Variants in NYAP2 observed in about 807,000 individuals in gnomAD.
NYAP2 encodes the protein neuronal tyrosine-phosphorylated phosphoinositide-3-kinase adaptor 2.
A neutral mutation model predicts 50.4 loss-of-function variants in NYAP2; 23 were observed. That is an observed-to-expected ratio of 0.46 (90% confidence interval 0.33 to 0.65). The LOEUF is 0.65. Among genes scored for constraint, NYAP2 ranks in the 30% least tolerant of loss-of-function variants. The probability of loss-of-function intolerance (pLI) is 0.02; values close to 1 mark genes in which losing one functional copy is unlikely to be tolerated. For missense variants in NYAP2, 885 were observed against 861.0 expected, an observed-to-expected ratio of 1.03 and a Z score of -0.35; for synonymous variants, 394 against 365.2, an observed-to-expected ratio of 1.08 and a Z score of -0.90.
intron 3 of NYAP2, among the ~76,000 whole-genome samples, chr2:225,477,344 C>T (rs1690131842): frequency 7.2e-6 from 1 of 138,368 alleles, no homozygotes; most frequent in Admixed American, 8.2e-5. Context: ...TCATGCCATT[C>T]TCCTGCCTCA....
chr2:225,572,477 G>A (rs963053503), intron 4 of NYAP2, among the ~76,000 whole-genome samples: 1 of 152,170 alleles, frequency 6.6e-6, no homozygotes, highest in Non-Finnish European at 1.5e-5. Context: ...CAGTGGAAAT[G>A]TCAGACAATT....
At chr2:225,440,258 A>G (rs979647995) in intron 3 of NYAP2, among the ~76,000 whole-genome samples, 8 of 152,228 alleles carry the variant, frequency 5.3e-5, no homozygotes, top group African/African-American at 1.9e-4. Context: ...CCTTCAGATC[A>G]TAGGATGCGC....
intron 4 of NYAP2, among the ~76,000 whole-genome samples, chr2:225,527,044 C>A (rs1691164536): frequency 6.6e-6 from 1 of 152,150 alleles, no homozygotes; most frequent in Non-Finnish European, 1.5e-5. Context: ...CAAGTCAAGT[C>A]ATCATGCAAT....
intron 6 of NYAP2, among the ~76,000 whole-genome samples, chr2:225,644,509 C>A (rs1464740684): frequency 5.3e-5 from 8 of 151,496 alleles, no homozygotes; most frequent in Admixed American, 1.3e-4. Context: ...GACATGAAGT[C>A]CTTGCCCATG....
intron 3 of NYAP2, among the ~76,000 whole-genome samples, chr2:225,446,040 G>A (rs1002448651): frequency 7.2e-5 from 11 of 151,752 alleles, no homozygotes; most frequent in African/African-American, 2.7e-4. Flanking sequence ...CTTTGGAGAG[G>A]TGTGGTAGTT....
chr2:225,694,766 A>G, the NYAP2 span, among the ~76,000 whole-genome samples: 1 of 151,866 alleles, frequency 6.6e-6, no homozygotes, highest in Non-Finnish European at 1.5e-5. Flanking sequence ...TTTCAAATAT[A>G]TATTTATATT....
At chr2:225,516,717 A>C (rs931130649) in intron 4 of NYAP2, among the ~76,000 whole-genome samples, 1 of 152,182 alleles carries the variant, frequency 6.6e-6, no homozygotes, top group African/African-American at 2.4e-5. Flanking sequence ...CTCAGAGCCA[A>C]AATTATTAAT....
chr2:225,668,040 G>T, the NYAP2 span, among the ~76,000 whole-genome samples: 1 of 151,872 alleles, frequency 6.6e-6, no homozygotes, highest in African/African-American at 2.4e-5. Flanking sequence ...TCTCTACAAG[G>T]GCCCCAATAT....
intron 4 of NYAP2, among the ~76,000 whole-genome samples, chr2:225,574,308 G>A (rs1037173195): frequency 1.3e-5 from 2 of 152,178 alleles, no homozygotes; most frequent in African/African-American, 2.4e-5. Context: ...CTAGAGGAAG[G>A]GGAGGAACAT....
chr2:225,499,951 G>A (rs1690576954), intron 3 of NYAP2, among the ~76,000 whole-genome samples: 1 of 152,186 alleles, frequency 6.6e-6, no homozygotes, highest in African/African-American at 2.4e-5. Context: ...GCTAAAGAAA[G>A]GGGAGTTGGA....
chr2:225,640,578 C>T (rs943946240), intron 6 of NYAP2, among the ~76,000 whole-genome samples: 1 of 152,024 alleles, frequency 6.6e-6, no homozygotes, highest in South Asian at 2.1e-4. Flanking sequence ...TTCGTCAAAC[C>T]CTTTGTGTTC....
intron 4 of NYAP2, among the ~76,000 whole-genome samples, chr2:225,533,610 G>A (rs1691297190): frequency 6.6e-6 from 1 of 151,978 alleles, no homozygotes; most frequent in Non-Finnish European, 1.5e-5. Flanking sequence ...GATCACTTGA[G>A]CCCAAGGGGT....
the NYAP2 span, among the ~76,000 whole-genome samples, chr2:225,667,547 A>T: frequency 6.6e-6 from 1 of 152,154 alleles, no homozygotes; most frequent in African/African-American, 2.4e-5. Flanking sequence ...CATTTTGAGG[A>T]AGCTGATTCA....
chr2:225,522,918 G>A (rs1467688421), intron 4 of NYAP2, among the ~76,000 whole-genome samples: 4 of 152,134 alleles, frequency 2.6e-5, no homozygotes, highest in Non-Finnish European at 4.4e-5. Flanking sequence ...AAGAATATCT[G>A]TTGATTATGG....
At chr2:225,571,988 G>C (rs1173124679) in intron 4 of NYAP2, among the ~76,000 whole-genome samples, 2 of 152,160 alleles carry the variant, frequency 1.3e-5, no homozygotes, top group Non-Finnish European at 2.9e-5. Context: ...CTCCAGGGCA[G>C]GGGCAAAATG....
chr2:225,422,073 C>A (rs1418089361), intron 3 of NYAP2, among the ~76,000 whole-genome samples: 1 of 151,566 alleles, frequency 6.6e-6, no homozygotes, highest in Non-Finnish European at 1.5e-5. Context: ...TCCAATATTT[C>A]TTTTCTTTTA....
At chr2:225,703,511 A>G in the NYAP2 span, 5 of 151,782 alleles carry the variant, frequency 3.3e-5, no homozygotes, top group Non-Finnish European at 5.9e-5. Flanking sequence ...GTAATTATAA[A>G]TGTACTTTGA....
At chr2:225,427,204 G>T (rs1470340531) in intron 3 of NYAP2, among the ~76,000 whole-genome samples, 1 of 152,124 alleles carries the variant, frequency 6.6e-6, no homozygotes, top group Non-Finnish European at 1.5e-5. Context: ...GGAATATTCA[G>T]ATTGGGTAAC....
rs1559181900 is a variant in NYAP2, at chr2:225,446,224, C to CTA, written c.221+37124_221+37125insAT. On this transcript the variant is annotated intron_variant, in intron 3 of 6. Transcript: ENST00000636099. ...TGTCTGTCTGTCTGTCTGTCTCTCT[C>CTA]TCTCTCTCTCTCTCTCTCTCTCTAT... Among the ~76,000 whole-genome samples the CTA allele has an allele frequency of 4.6e-4, 41 of 89,374 alleles. 1 individual carries two copies. Among genetic ancestry groups the CTA allele is most frequent in the African/African-American group, 2.1e-3 (40 of 18,720 alleles). The allele number at this position is 89,374 out of a possible 152,430, so 58.6% of individuals were successfully genotyped here.
Sources: allele counts gnomAD v4.1 joint callset (sites outside exome capture counted in the v4.1 genomes callset), GRCh38; gene constraint gnomAD v4.1.1; transcripts MANE v1.5; gene names NCBI Gene and HGNC (gene_info 2026-07-23, HGNC 2026-07-21).